PCDH15: variants seen among roughly 807,000 people sequenced by gnomAD.
PCDH15 encodes protocadherin related 15.
PCDH15 carries 129 observed loss-of-function variants against 178.5 expected under a neutral mutation model. The observed-to-expected ratio is 0.72, with a 90% CI of 0.63 to 0.84. The LOEUF (loss-of-function observed/expected upper bound fraction) is 0.84. PCDH15 is among the 40% of genes least tolerant of loss of function. The pLI, the probability that PCDH15 is intolerant of heterozygous loss-of-function variation, is 0.00. For synonymous variants in PCDH15, 800 were observed against 732.0 expected (o/e 1.09, Z -1.50); for missense variants, 2,230 against 2,099.9 (o/e 1.06, Z -1.21).
chr10:54,289,206 C>T (rs1443029698), intron 8 of PCDH15, among the ~76,000 whole-genome samples: 2 of 152,166 alleles, frequency 1.3e-5, no homozygotes, highest in Non-Finnish European at 2.9e-5. Flanking sequence ...CTGCAGCCTC[C>T]ACTGGTGATA....
At chr10:55,334,783 G>A (rs1357091159) in intron 2 of PCDH15, among the ~76,000 whole-genome samples, 1 of 151,820 alleles carries the variant, frequency 6.6e-6, no homozygotes, top group African/African-American at 2.4e-5. Flanking sequence ...ACTTTATTTT[G>A]GTATGAAGAC....
At chr10:55,544,164 A>G (rs1207478294) in intron 2 of PCDH15, among the ~76,000 whole-genome samples, 1 of 128,706 alleles carries the variant, frequency 7.8e-6, no homozygotes, top group Non-Finnish European at 1.7e-5. Context: ...ATATATATAT[A>G]TATATATATA....
At chr10:55,586,032 T>C (rs1405359705) in intron 2 of PCDH15, among the ~76,000 whole-genome samples, 3 of 152,096 alleles carry the variant, frequency 2.0e-5, no homozygotes. Flanking sequence ...TGTTTGGAAA[T>C]CATCATCATC....
Position 54,696,273 on chromosome 10 carries a change from G to A in PCDH15, c.-28-31983C>T, listed in dbSNP as rs58511534. On this transcript the variant is annotated intron_variant, in intron 1 of 37. Transcript: ENST00000644397. ...CAGTGTAGATAATACCTACAGATGT[G>A]GTAGAAATTGCAAGGGAACTAGAAT... is the stretch of plus-strand genomic sequence containing the variant. Among the ~76,000 whole-genome samples the A allele has an allele frequency of 6.5e-3, 992 of 152,050 alleles. 13 individuals are homozygous for A. The highest frequency in any genetic ancestry group is 0.023 in the African/African-American group (945 of 41,506).
chr10:54,950,132 T>C (rs893731217), intron 2 of PCDH15, among the ~76,000 whole-genome samples: 1 of 152,054 alleles, frequency 6.6e-6, no homozygotes, highest in African/African-American at 2.4e-5. Flanking sequence ...TGTAAAGAAC[T>C]TCCTGAGACT....
rs117155603 is a variant in PCDH15, at chr10:54,291,045, C to T, written c.876+26226G>A. On this transcript the variant is annotated intron_variant, in intron 8 of 37. Coordinates refer to ENST00000644397, the MANE Select transcript of PCDH15 (RefSeq NM_001384140.1). Reference sequence around the variant, plus strand: ...TTGAACTCATTCATTTGAACTCGCACTTATAAAATTGACCACATAATTGGA... The same window carrying T: ...TTGAACTCATTCATTTGAACTCGCATTTATAAAATTGACCACATAATTGGA... Among the ~76,000 whole-genome samples the T allele has an allele frequency of 5.6e-3, 841 of 150,984 alleles. 6 individuals are homozygous for T. Among genetic ancestry groups the T allele is most frequent in the Non-Finnish European group, 9.0e-3 (603 of 67,214 alleles).
chr10:53,977,521 G>C (rs1222077184), intron 21 of PCDH15, among the ~76,000 whole-genome samples: 3 of 152,104 alleles, frequency 2.0e-5, no homozygotes, highest in Non-Finnish European at 4.4e-5. Context: ...ATAACACATG[G>C]GGATTATGAG....
intron 3 of PCDH15, among the ~76,000 whole-genome samples, chr10:54,502,965 T>C (rs1387923238): frequency 1.3e-5 from 2 of 152,014 alleles, no homozygotes; most frequent in Non-Finnish European, 2.9e-5. Flanking sequence ...AATGATTTTC[T>C]TCCCTTCATG....
chr10:53,990,953 G>A (rs960097944), intron 21 of PCDH15, among the ~76,000 whole-genome samples: 3 of 152,232 alleles, frequency 2.0e-5, no homozygotes, highest in South Asian at 2.1e-4. Context: ...TTTAGCACCC[G>A]GGCCGGCAGC....
rs1315678182 is a variant in PCDH15, at chr10:54,421,830, ATATATATACACACACAC to A, written c.158-42905_158-42889del. Among the ~76,000 whole-genome samples, 42 of 80,540 alleles carry A rather than the reference ATATATATACACACACAC, an allele frequency of 5.2e-4. 3 individuals are homozygous for A. The highest frequency in any genetic ancestry group is 5.2e-4 in the Non-Finnish European group (20 of 38,118). 52.8% of individuals were successfully genotyped at this position (80,540 alleles called of 152,430 possible). The stretch of plus-strand genomic sequence containing the variant: ...GTGTAGTGTGTGTATATATATATAT[ATATATATACACACACAC>A]TATATATATATATATACACACACTA... On this transcript the variant is annotated intron_variant, in intron 3 of 37. Coordinates refer to ENST00000644397, the MANE Select transcript of PCDH15 (RefSeq NM_001384140.1).
At chr10:55,146,187 C>T (rs7905584) in intron 2 of PCDH15, among the ~76,000 whole-genome samples, 56,578 of 151,798 alleles carry the variant, frequency 0.37, 10,952 homozygotes, top group Admixed American at 0.47. Flanking sequence ...TCGTGGTTAA[C>T]AGCCCTATAA....
intron 2 of PCDH15, among the ~76,000 whole-genome samples, chr10:55,056,532 T>C (rs11004709): frequency 1.6e-4 from 1 of 6,340 alleles, no homozygotes; most frequent in Non-Finnish European, 2.3e-4. Flanking sequence ...AGTTTCCATT[T>C]TCTCTCTCTC....
intron 1 of PCDH15, among the ~76,000 whole-genome samples, chr10:54,724,464 C>T (rs1942146978): frequency 1.3e-5 from 2 of 151,370 alleles, no homozygotes; most frequent in Admixed American, 6.6e-5. Flanking sequence ...AGTAGAAGCC[C>T]AGTCCCTAAC....
intron 2 of PCDH15, among the ~76,000 whole-genome samples, chr10:55,414,108 T>G (rs560470789): frequency 1.3e-5 from 2 of 151,758 alleles, no homozygotes; most frequent in East Asian, 3.9e-4. Flanking sequence ...GAACAATGGC[T>G]TCACAGTATT....
intron 14 of PCDH15, among the ~76,000 whole-genome samples, chr10:54,135,070 T>TG (rs1212832207): frequency 2.0e-5 from 3 of 151,024 alleles, no homozygotes; most frequent in Admixed American, 2.0e-4. Flanking sequence ...CCAGGCATGG[T>TG]GGCCTGTAAT....
chr10:54,741,180 T>C (rs1214849573), intron 1 of PCDH15, among the ~76,000 whole-genome samples: 1 of 145,992 alleles, frequency 6.8e-6, no homozygotes, highest in Non-Finnish European at 1.6e-5. Flanking sequence ...TAAACAGAAA[T>C]ATATTTATAC....
At chr10:55,513,049 T>C (rs1330673662) in intron 2 of PCDH15, 1 of 152,152 alleles carries the variant, frequency 6.6e-6, no homozygotes, top group Non-Finnish European at 1.5e-5. Context: ...GATTAATTGA[T>C]TGACTGAACA....
chr10:54,928,502 T>A (rs1837685701), intron 2 of PCDH15, among the ~76,000 whole-genome samples: 1 of 152,184 alleles, frequency 6.6e-6, no homozygotes, highest in Non-Finnish European at 1.5e-5. Flanking sequence ...TGATTGAAGA[T>A]GTTCTCATAG....
chr10:53,812,829 A>G (rs962140673), intron 35 of PCDH15, among the ~76,000 whole-genome samples: 2 of 152,222 alleles, frequency 1.3e-5, no homozygotes, highest in African/African-American at 2.4e-5. Context: ...AGATTGGTAC[A>G]TATTTCTATC....
Sources: allele counts gnomAD v4.1 joint callset (sites outside exome capture counted in the v4.1 genomes callset), GRCh38; gene constraint gnomAD v4.1.1; transcripts MANE v1.5; gene names NCBI Gene and HGNC (gene_info 2026-07-23, HGNC 2026-07-21).